BRD10: variants seen among roughly 807,000 people sequenced by gnomAD.
BRD10 encodes the protein uncharacterized bromodomain-containing protein 10.
At chr9:5,889,863 C>T in the BRD10 span, among the ~76,000 whole-genome samples, 1 of 152,116 alleles carries the variant, frequency 6.6e-6, no homozygotes, top group African/African-American at 2.4e-5. Flanking sequence ...TTTGCACCAA[C>T]CTAATTGATG....
chr9:5,906,737 G>C, the BRD10 span: 3 of 515,324 alleles, frequency 5.8e-6, no homozygotes, highest in African/African-American at 6.0e-5. Flanking sequence ...GAATTCAGAA[G>C]GTAAAGTGAT....
chr9:5,932,040 T>G, the BRD10 span, among the ~76,000 whole-genome samples: 2 of 152,144 alleles, frequency 1.3e-5, no homozygotes, highest in Non-Finnish European at 2.9e-5. Context: ...CCTTTCTACT[T>G]AGTAGTGTTC....
At chr9:5,966,480 G>C in the BRD10 span, among the ~76,000 whole-genome samples, 1 of 8,468 alleles carries the variant, frequency 1.2e-4, no homozygotes, top group Non-Finnish European at 3.9e-4. Flanking sequence ...TTTTTTTTGA[G>C]ACAGAGTCTT....
chr9:6,001,085 A>G, the BRD10 span, among the ~76,000 whole-genome samples: 1 of 152,098 alleles, frequency 6.6e-6, no homozygotes, highest in Non-Finnish European at 1.5e-5. Flanking sequence ...AAATGCTTCT[A>G]TTCATTTTGG....
the BRD10 span, among the ~76,000 whole-genome samples, chr9:5,987,617 T>C: frequency 6.6e-6 from 1 of 152,196 alleles, no homozygotes; most frequent in African/African-American, 2.4e-5. Flanking sequence ...TCAAAGCAAG[T>C]TACATTTATT....
the BRD10 span, chr9:5,919,705 C>G: frequency 3.1e-6 from 5 of 1,610,242 alleles, no homozygotes; most frequent in African/African-American, 4.0e-5. Flanking sequence ...CTCTGTCAGG[C>G]TTCTCTAAGC....
chr9:5,968,362 G>A, the BRD10 span: 1 of 1,610,264 alleles, frequency 6.2e-7, no homozygotes, highest in Non-Finnish European at 8.5e-7. Context: ...TCTTTATTCT[G>A]GAAGCTTCAC....
the BRD10 span, chr9:6,007,609 A>G: frequency 2.5e-6 from 4 of 1,606,094 alleles, no homozygotes; most frequent in Non-Finnish European, 3.4e-6. Context: ...CATCGCCTCC[A>G]TCTCTTCCTC....
the BRD10 span, among the ~76,000 whole-genome samples, chr9:5,914,560 ACTATAGG>A: frequency 6.6e-6 from 1 of 151,592 alleles, no homozygotes; most frequent in African/African-American, 2.4e-5. Context: ...AGTAGCTGGG[ACTATAGG>A]CACCCACCAC....
At chr9:5,907,120 T>A in the BRD10 span, 1 of 537,738 alleles carries the variant, frequency 1.9e-6, no homozygotes, top group African/African-American at 2.0e-5. Flanking sequence ...CTGAACTATA[T>A]ACACCTAAAA....
the BRD10 span, among the ~76,000 whole-genome samples, chr9:5,940,327 G>A: frequency 1.3e-5 from 2 of 152,116 alleles, no homozygotes; most frequent in Non-Finnish European, 2.9e-5. Context: ...CCGAGTAGCT[G>A]GGATTACAGG....
the BRD10 span, among the ~76,000 whole-genome samples, chr9:5,883,193 C>T: frequency 6.6e-6 from 1 of 152,102 alleles, no homozygotes; most frequent in African/African-American, 2.4e-5. Flanking sequence ...CCTTGTCTTC[C>T]TTTACTTCCC....
the BRD10 span, among the ~76,000 whole-genome samples, chr9:5,984,006 C>CACACACACACACACA: frequency 6.8e-6 from 1 of 148,108 alleles, no homozygotes; most frequent in African/African-American, 2.5e-5. Context: ...CACACACACA[C>CACACACACACACACA]CCCTCTCCAT....
the BRD10 span, among the ~76,000 whole-genome samples, chr9:5,983,850 G>A: frequency 6.6e-6 from 1 of 151,862 alleles, no homozygotes; most frequent in South Asian, 2.1e-4. Context: ...TAGGAACAAA[G>A]ATAAGGAAGT....
At chr9:5,939,241 CACT>C in the BRD10 span, among the ~76,000 whole-genome samples, 89 of 152,126 alleles carry the variant, frequency 5.9e-4, no homozygotes, top group African/African-American at 1.2e-3. Flanking sequence ...ATAATTAAAA[CACT>C]ACTATTACAT....
chr9:5,884,533 G>C, the BRD10 span, among the ~76,000 whole-genome samples: 2 of 152,178 alleles, frequency 1.3e-5, no homozygotes, highest in Admixed American at 6.5e-5. Context: ...GTTATGGTTG[G>C]TGAATGCCTA....
chr9:5,945,458 T>C, the BRD10 span, among the ~76,000 whole-genome samples: 2 of 152,146 alleles, frequency 1.3e-5, no homozygotes. Flanking sequence ...ACTGCAACTA[T>C]ATGTAACACA....
chr9:5,910,529 G>A, the BRD10 span: 3 of 152,086 alleles, frequency 2.0e-5, no homozygotes, highest in African/African-American at 7.2e-5. Context: ...CTCACCACGA[G>A]GTCTCTGCTG....
the BRD10 span, among the ~76,000 whole-genome samples, chr9:5,902,597 G>A: frequency 2.0e-5 from 3 of 151,640 alleles, no homozygotes; most frequent in African/African-American, 7.3e-5. Flanking sequence ...AGCCTCCTGA[G>A]TAGCTAGGAC....
Sources: allele counts gnomAD v4.1 joint callset (sites outside exome capture counted in the v4.1 genomes callset), GRCh38; gene constraint gnomAD v4.1.1; transcripts MANE v1.5; gene names NCBI Gene and HGNC (gene_info 2026-07-23, HGNC 2026-07-21).